The following OPA1 variants were observed in gnomAD, a reference collection of about 807,000 sequenced individuals.
OPA1 encodes the protein OPA1 mitochondrial dynamin like GTPase.
A neutral mutation model predicts 152.9 loss-of-function variants in OPA1; 59 were observed. The observed-to-expected ratio is 0.39, with a 90% confidence interval of 0.31 to 0.48. The LOEUF (loss-of-function observed/expected upper bound fraction) is 0.48. Ranked by LOEUF, OPA1 falls within the 20% of genes least tolerant of loss-of-function variation. OPA1 has a pLI of 0.96. For synonymous variants in OPA1, 400 were observed against 389.9 expected, an observed-to-expected ratio of 1.03 and a Z score of -0.31; for missense variants, 1,008 against 1,216.8, an observed-to-expected ratio of 0.83 and a Z score of 2.55.
chr3:193,627,914 G>A (rs1731421534), intron 7 of OPA1, among the ~76,000 whole-genome samples: 1 of 152,090 alleles, frequency 6.6e-6, no homozygotes, highest in African/African-American at 2.4e-5. Flanking sequence ...CACCAAACAT[G>A]GCTTGTTTCT....
Position 193,667,182 on chromosome 3 carries a change from A to G in OPA1, c.2885A>G (p.Glu962Gly), listed in dbSNP as rs863224138. The G allele has an allele frequency of 1.9e-6, 3 of 1,561,160 alleles. No individual in the cohort carries two copies. Among genetic ancestry groups the G allele is most frequent in the Middle Eastern group, 1.7e-4 (1 of 5,942 alleles). Residue 962 changes from glutamate to glycine, a missense_variant, in exon 29 of 31, where the codon GAG becomes GGG. Glu to Gly is a moderately conservative substitution (Grantham distance 98). Around this residue, in one of 7 missense-constraint regions of OPA1, gnomAD observed 137 missense variants for 171.0 expected, o/e 0.80. Coordinates refer to ENST00000361510, the MANE Select transcript of OPA1 (RefSeq NM_130837.3). ...TTTCTTTAAACAGTTAGGCGATTAGAGAAAAATGTTAAAGAGGTATTGGAA... is the reference window on the plus strand; with the variant it reads ...TTTCTTTAAACAGTTAGGCGATTAGGGAAAAATGTTAAAGAGGTATTGGAA... The part of the protein sequence containing the change: ...QLTNTEVRRL[E>G]KNVKEVLEDF...
intron 23 of OPA1, 37 bp from the exon 24 acceptor site, chr3:193,658,850 A>G (rs1714546463): frequency 7.0e-7 from 1 of 1,437,882 alleles, no homozygotes; most frequent in African/African-American, 1.4e-5. Context: ...GATGAGATGT[A>G]AAACAAGTTG....
At chr3:193,644,191 C>G in intron 16 of OPA1, 86 bp downstream of exon 16, 5 of 1,486,520 alleles carry the variant, frequency 3.4e-6, no homozygotes, top group South Asian at 1.1e-5. Context: ...AAAACAACAA[C>G]AACAACAAAA....
chr3:193,639,456 G>C (rs1733425753), intron 11 of OPA1, among the ~76,000 whole-genome samples: 1 of 152,180 alleles, frequency 6.6e-6, no homozygotes, highest in Admixed American at 6.5e-5. Context: ...GTAGTCCTGA[G>C]GATATCCTGT....
At chr3:193,608,818 T>C (rs993818231) in intron 1 of OPA1, among the ~76,000 whole-genome samples, 1 of 152,124 alleles carries the variant, frequency 6.6e-6, no homozygotes, top group African/African-American at 2.4e-5. Context: ...AAGTCTCCCA[T>C]TATTGTTGTG....
rs150938151 is a variant in OPA1, at chr3:193,685,226, C to T, written c.2984-6837C>T. Reference sequence around the variant, plus strand: ...CTGAGGCAGAAGAATCATTTGAAACCGGGAGGCGGAGGTTGCAGTGAGCCG... The same window carrying T: ...CTGAGGCAGAAGAATCATTTGAAACTGGGAGGCGGAGGTTGCAGTGAGCCG... On this transcript the variant is annotated intron_variant, in intron 29 of 30. Transcript: ENST00000361510. 2.2e-3 allele frequency among the ~76,000 whole-genome samples: 330 copies of T among 151,610 alleles called. 3 individuals carry two copies. The highest frequency in any genetic ancestry group is 7.6e-3 in the African/African-American group (315 of 41,308).
intron 7 of OPA1, among the ~76,000 whole-genome samples, chr3:193,631,220 A>T (rs1732024253): frequency 6.6e-6 from 1 of 152,208 alleles, no homozygotes; most frequent in Admixed American, 6.5e-5. Flanking sequence ...ACTTTTCAAA[A>T]CACATTTCTG....
intron 1 of OPA1, among the ~76,000 whole-genome samples, chr3:193,601,636 A>G (rs1726482117): frequency 6.6e-6 from 1 of 152,232 alleles, no homozygotes. Context: ...ACCCTACTGG[A>G]TATACAAGCA....
intron 1 of OPA1, among the ~76,000 whole-genome samples, chr3:193,601,082 A>G (rs924842143): frequency 1.3e-5 from 2 of 152,182 alleles, no homozygotes; most frequent in Admixed American, 1.3e-4. Context: ...GTATGTTGTC[A>G]TGTGCCTTTC....
intron 1 of OPA1, among the ~76,000 whole-genome samples, chr3:193,612,527 A>T (rs563341497): frequency 6.6e-6 from 1 of 152,298 alleles, no homozygotes; most frequent in African/African-American, 2.4e-5. Context: ...CCATGAGACA[A>T]TACATCCCAC....
At chr3:193,665,451 C>G (rs1368768365) in intron 27 of OPA1, among the ~76,000 whole-genome samples, 1 of 151,986 alleles carries the variant, frequency 6.6e-6, no homozygotes. Context: ...TCCTGCAAAA[C>G]AGTTTTTATC....
At chr3:193,648,738 A>G in intron 20 of OPA1, 57 bp from the exon 21 acceptor site, 1 of 1,206,684 alleles carries the variant, frequency 8.3e-7, no homozygotes, top group South Asian at 1.2e-5. Flanking sequence ...GAAAATCATG[A>G]CAGGGTAAAT....
chr3:193,657,138 A>G lies in OPA1; in HGVS notation c.2237A>G (p.Lys746Arg), dbSNP rs1714048655. The G allele has an allele frequency of 6.2e-7, 1 of 1,613,890 alleles. No homozygotes were observed. The highest frequency in any genetic ancestry group is 8.5e-7 in the Non-Finnish European group (1 of 1,179,932). The change falls in exon 23 of 31, where the codon AAA becomes AGA. Residue 746 changes from lysine (K) to arginine (R), a missense_variant. Lys to Arg is a conservative substitution (Grantham distance 26, BLOSUM62 2). This residue lies in a region of OPA1 where 229 missense variants were observed against 269.0 expected (regional missense o/e 0.85). Coordinates refer to ENST00000361510, the MANE Select transcript of OPA1 (RefSeq NM_130837.3). Reference sequence around the variant, plus strand: ...CGCTTTATGACAGAACCGAAAGGGAAAGAGCATGATGACATATTTGATAAA... The same window carrying G: ...CGCTTTATGACAGAACCGAAAGGGAGAGAGCATGATGACATATTTGATAAA... ...FSRFMTEPKGKEHDDIFDKLK... is the reference protein window; with the variant it reads ...FSRFMTEPKGREHDDIFDKLK...
intron 29 of OPA1, among the ~76,000 whole-genome samples, chr3:193,688,065 A>G (rs964318044): frequency 2.0e-5 from 3 of 152,050 alleles, no homozygotes; most frequent in Non-Finnish European, 4.4e-5. Context: ...GGCTTGCTCT[A>G]GCTCTTCTGA....
intron 6 of OPA1, chr3:193,624,130 T>G (rs1730639666): frequency 6.6e-6 from 1 of 152,476 alleles, no homozygotes; most frequent in Non-Finnish European, 1.5e-5. Context: ...AGAGGAATTT[T>G]TAAGCTGTAA....
intron 1 of OPA1, among the ~76,000 whole-genome samples, chr3:193,600,666 T>C (rs1407897167): frequency 6.6e-6 from 1 of 152,242 alleles, no homozygotes; most frequent in African/African-American, 2.4e-5. Flanking sequence ...CATAGTTCGC[T>C]GTAAAGTAGC....
At chr3:193,613,098 T>G (rs2108856088) in intron 1 of OPA1, among the ~76,000 whole-genome samples, 1 of 152,242 alleles carries the variant, frequency 6.6e-6, no homozygotes, top group Non-Finnish European at 1.5e-5. Flanking sequence ...TTTGATGGAG[T>G]TTAATTAAGC....
chr3:193,689,105 A>G (rs1383677604), intron 29 of OPA1: 1 of 152,230 alleles, frequency 6.6e-6, no homozygotes, highest in Non-Finnish European at 1.5e-5. Context: ...AACCAAATGA[A>G]ACGCCAAATT....
intron 21 of OPA1, 139 bp from the exon 22 acceptor site, chr3:193,654,723 A>G: frequency 1.3e-6 from 1 of 790,344 alleles, no homozygotes; most frequent in Non-Finnish European, 2.0e-6. Context: ...GGTGCGATTT[A>G]CAGGTATATA....
Sources: gnomAD v4.1 joint callset for allele counts (sites outside exome capture counted in the v4.1 genomes callset) on GRCh38, gnomAD v4.1.1 for gene constraint, gnomAD v4.1.1 regional missense constraint, MANE v1.5 for transcripts, NCBI Gene and HGNC (gene_info 2026-07-23, HGNC 2026-07-21) for gene names.